NELL2: variants seen among roughly 807,000 people sequenced by gnomAD.
NELL2 encodes the protein neural EGFL like 2.
A neutral mutation model predicts 109.6 loss-of-function variants in NELL2; 41 were observed. The observed-to-expected ratio is 0.37, with a 90% CI of 0.29 to 0.49. NELL2 has a LOEUF of 0.49. Ranked by LOEUF, NELL2 falls within the 20% of genes least tolerant of loss-of-function variation. NELL2 has a pLI of 0.98. For synonymous variants in NELL2, 355 were observed against 344.7 expected, an observed-to-expected ratio of 1.03 and a Z score of -0.33; for missense variants, 900 against 1,008.3, an observed-to-expected ratio of 0.89 and a Z score of 1.45.
At chr12:44,663,584 C>A (rs548255035) in intron 13 of NELL2, among the ~76,000 whole-genome samples, 1 of 152,192 alleles carries the variant, frequency 6.6e-6, no homozygotes, top group Admixed American at 6.5e-5. Context: ...AGGAATAGTT[C>A]TCAATTATGT....
chr12:44,605,202 T>A (rs1945355295), intron 15 of NELL2, among the ~76,000 whole-genome samples: 1 of 152,084 alleles, frequency 6.6e-6, no homozygotes, highest in South Asian at 2.1e-4. Context: ...AGAATGACCT[T>A]TGTATCAGCT....
chr12:44,912,403 T>A (rs1046324727), intron 1 of NELL2, among the ~76,000 whole-genome samples: 2 of 152,100 alleles, frequency 1.3e-5, no homozygotes, highest in Non-Finnish European at 2.9e-5. Context: ...AAAGGATGTA[T>A]TTACTCTAGG....
chr12:44,920,802 G>A (rs1222839308), intron 1 of NELL2, among the ~76,000 whole-genome samples: 1 of 152,138 alleles, frequency 6.6e-6, no homozygotes, highest in Non-Finnish European at 1.5e-5. Flanking sequence ...CAGCAAGAGA[G>A]AGAGTACAAA....
chr12:44,896,291 A>T (rs1386629129), intron 1 of NELL2, among the ~76,000 whole-genome samples: 2 of 152,208 alleles, frequency 1.3e-5, no homozygotes, highest in Non-Finnish European at 2.9e-5. Flanking sequence ...TAAAAAAAGA[A>T]GAAAATGTAT....
At chr12:44,618,950 G>C (rs1042166328) in intron 13 of NELL2, among the ~76,000 whole-genome samples, 1 of 152,106 alleles carries the variant, frequency 6.6e-6, no homozygotes, top group South Asian at 2.1e-4. Flanking sequence ...AGCTTGCTTG[G>C]AGCAATAAGG....
intron 13 of NELL2, among the ~76,000 whole-genome samples, chr12:44,619,786 C>T (rs1404770349): frequency 2.0e-5 from 3 of 152,112 alleles, no homozygotes; most frequent in Non-Finnish European, 4.4e-5. Flanking sequence ...GAGGAATCAT[C>T]GGGAAGTTTA....
chr12:44,583,728 A>G (rs576744598), intron 15 of NELL2, among the ~76,000 whole-genome samples: 1 of 152,346 alleles, frequency 6.6e-6, no homozygotes, highest in East Asian at 1.9e-4. Flanking sequence ...TAAAGGTACA[A>G]GTGATACAGT....
chr12:44,577,528 G>GC (rs1320017439), intron 15 of NELL2, among the ~76,000 whole-genome samples: 22 of 134,040 alleles, frequency 1.6e-4, no homozygotes, highest in African/African-American at 6.2e-4. Flanking sequence ...AGGCTGGAGT[G>GC]CAGTGGCACG....
chr12:44,856,094 T>C (rs1184341864), intron 2 of NELL2, among the ~76,000 whole-genome samples: 1 of 152,232 alleles, frequency 6.6e-6, no homozygotes, highest in Non-Finnish European at 1.5e-5. Flanking sequence ...ACATTATGTG[T>C]GCAACCATGG....
chr12:44,562,213 C>A (rs997980455), intron 15 of NELL2, among the ~76,000 whole-genome samples: 3 of 152,110 alleles, frequency 2.0e-5, no homozygotes, highest in African/African-American at 7.2e-5. Flanking sequence ...TATAAAAACC[C>A]TAGAAGAAAA....
At chr12:44,917,412 G>C (rs78576870), upstream of NELL2, among the ~76,000 whole-genome samples, 148 of 152,278 alleles carry the variant, frequency 9.7e-4, no homozygotes, top group African/African-American at 3.5e-3. Flanking sequence ...GTAAGAAGAG[G>C]ATAATAGTAA....
intron 13 of NELL2, among the ~76,000 whole-genome samples, chr12:44,638,238 C>T (rs757730893): frequency 2.6e-5 from 4 of 152,110 alleles, no homozygotes; most frequent in Non-Finnish European, 4.4e-5. Flanking sequence ...TCCGACCAGA[C>T]GCACAATTCC....
At chr12:44,848,882 T>C (rs1223709886) in intron 2 of NELL2, among the ~76,000 whole-genome samples, 1 of 152,142 alleles carries the variant, frequency 6.6e-6, no homozygotes, top group African/African-American at 2.4e-5. Flanking sequence ...GAAATGTAAA[T>C]TTGAATTTGA....
At chr12:44,528,198 G>A (rs1941892409) in intron 16 of NELL2, among the ~76,000 whole-genome samples, 1 of 150,032 alleles carries the variant, frequency 6.7e-6, no homozygotes, top group Non-Finnish European at 1.5e-5. Context: ...AATTTTATTG[G>A]TAGAATCATC....
intron 3 of NELL2, among the ~76,000 whole-genome samples, chr12:44,808,810 C>T (rs1943084364): frequency 6.6e-6 from 1 of 151,838 alleles, no homozygotes; most frequent in Admixed American, 6.6e-5. Context: ...ATTTTTTCAG[C>T]CTCATACATA....
chr12:44,623,970 A>G (rs2136275492), intron 13 of NELL2, among the ~76,000 whole-genome samples: 1 of 151,834 alleles, frequency 6.6e-6, no homozygotes, highest in East Asian at 2.0e-4. Flanking sequence ...GGAACATCAC[A>G]CACCAGGGCT....
chr12:44,528,303 A>G (rs932903197), intron 16 of NELL2, among the ~76,000 whole-genome samples: 1 of 151,692 alleles, frequency 6.6e-6, no homozygotes, highest in Non-Finnish European at 1.5e-5. Context: ...GGCCTTTCCT[A>G]TGAAGATGAA....
intron 2 of NELL2, among the ~76,000 whole-genome samples, chr12:44,858,702 G>A (rs1261295080): frequency 6.6e-6 from 1 of 152,130 alleles, no homozygotes; most frequent in African/African-American, 2.4e-5. Flanking sequence ...TAAGACTAAT[G>A]TCTATCCCGG....
chr12:44,654,295 C>G (rs546348679), intron 13 of NELL2, among the ~76,000 whole-genome samples: 1 of 152,346 alleles, frequency 6.6e-6, no homozygotes, highest in African/African-American at 2.4e-5. Context: ...CACTCACACA[C>G]AGTTCCTACA....
Sources: gnomAD v4.1 joint callset for allele counts (sites outside exome capture counted in the v4.1 genomes callset) on GRCh38, gnomAD v4.1.1 for gene constraint, MANE v1.5 for transcripts, NCBI Gene and HGNC (gene_info 2026-07-23, HGNC 2026-07-21) for gene names.